The following KALRN variants were observed in gnomAD, a reference collection of about 807,000 sequenced individuals.
KALRN encodes the protein kalirin.
In KALRN, 70 loss-of-function variants were observed where a neutral mutation model predicts 353.7. The ratio of observed to expected loss-of-function variants is 0.20; its 90% CI spans 0.16 to 0.24. The LOEUF is 0.24. Ranked by LOEUF, KALRN falls within the 10% of genes least tolerant of loss-of-function variation. The probability of loss-of-function intolerance (pLI) is 1.00; values close to 1 mark genes in which losing one functional copy is unlikely to be tolerated. For synonymous variants in KALRN, 1,391 were observed against 1,434.8 expected (o/e 0.97, Z 0.69); for missense variants, 2,791 against 3,756.7 (o/e 0.74, Z 6.72).
At position 124,326,002 on chromosome 3, in the gene KALRN, G is replaced by A. The variant is rs762826694; in HGVS notation, c.1115G>A (p.Arg372His). 7 of 1,612,638 alleles carry A rather than the reference G, an allele frequency of 4.3e-6. No homozygotes were observed. The highest frequency in any genetic ancestry group is 4.5e-5 in the East Asian group (2 of 44,864). Residue 372 changes from arginine (R) to histidine (H), a missense_variant, in exon 7 of 60, where the codon CGC becomes CAC. Coordinates refer to ENST00000682506, the MANE Select transcript of KALRN (RefSeq NM_001388419.1). ...CAGAATGCCTATGTCAACATCAACC[G>A]CATCATGTCCGTGGCTTCCCGCCTC... ...NSMNAYVNIN[R>H]IMSVASRLSE... is the part of the protein sequence containing the mutation.
At chr3:124,329,657 AC>A (rs1169120827) in intron 7 of KALRN, among the ~76,000 whole-genome samples, 1 of 152,090 alleles carries the variant, frequency 6.6e-6, no homozygotes. Context: ...TGGAGACTAT[AC>A]TTCCTAAATG....
At chr3:124,510,413 G>A (rs2108812876) in intron 33 of KALRN, among the ~76,000 whole-genome samples, 1 of 152,250 alleles carries the variant, frequency 6.6e-6, no homozygotes, top group East Asian at 1.9e-4. Context: ...GTGAATTAAG[G>A]TTTGGGAAAT....
chr3:124,106,523 CACCTCCA>C (rs2062328164), intron 1 of KALRN, among the ~76,000 whole-genome samples: 1 of 152,132 alleles, frequency 6.6e-6, no homozygotes, highest in Non-Finnish European at 1.5e-5. Context: ...TCATCAAACT[CACCTCCA>C]AGGGCCAGCT....
At chr3:124,698,040 G>C (rs944099621) in intron 55 of KALRN, among the ~76,000 whole-genome samples, 8 of 152,096 alleles carry the variant, frequency 5.3e-5, no homozygotes, top group African/African-American at 1.9e-4. Flanking sequence ...TGCAATGTGG[G>C]CTCACTGCAG....
chr3:124,260,669 G>C (rs1324571224), intron 3 of KALRN, among the ~76,000 whole-genome samples: 1 of 151,996 alleles, frequency 6.6e-6, no homozygotes, highest in Non-Finnish European at 1.5e-5. Context: ...AGCACAGACT[G>C]TATGTGGGTG....
intron 55 of KALRN, among the ~76,000 whole-genome samples, chr3:124,698,878 A>G (rs755857695): frequency 6.6e-6 from 1 of 152,238 alleles, no homozygotes; most frequent in Non-Finnish European, 1.5e-5. Context: ...ACTTCCATCT[A>G]GTTAGCAAGA....
intron 6 of KALRN, among the ~76,000 whole-genome samples, chr3:124,320,263 A>G (rs546294739): frequency 8.7e-4 from 133 of 152,282 alleles, no homozygotes; most frequent in Admixed American, 5.7e-3. Flanking sequence ...CCCTTTAGGG[A>G]AAGTGTCCCC....
At chr3:124,375,941 C>A (rs1204051631) in intron 10 of KALRN, among the ~76,000 whole-genome samples, 1 of 152,092 alleles carries the variant, frequency 6.6e-6, no homozygotes, top group African/African-American at 2.4e-5. Context: ...GGCCCATGTA[C>A]CTTCCTAAAC....
chr3:124,671,452 C>T (rs780373378), intron 47 of KALRN, among the ~76,000 whole-genome samples: 1 of 152,200 alleles, frequency 6.6e-6, no homozygotes, highest in Non-Finnish European at 1.5e-5. Flanking sequence ...TTTGCACAAC[C>T]CTTGGCACCT....
intron 3 of KALRN, among the ~76,000 whole-genome samples, chr3:124,255,207 G>C (rs1422022158): frequency 6.6e-6 from 1 of 152,168 alleles, no homozygotes; most frequent in African/African-American, 2.4e-5. Flanking sequence ...GCCTCACCAA[G>C]TGCTGGGATT....
chr3:124,689,844 A>G (rs3772795), intron 51 of KALRN, among the ~76,000 whole-genome samples: 5,044 of 152,322 alleles, frequency 0.033, 106 homozygotes, highest in East Asian at 0.079. Context: ...AAGGGTTACT[A>G]CCTTCAAAAG....
At chr3:124,036,979 C>T (rs2039485145) in intron 1 of KALRN, among the ~76,000 whole-genome samples, 1 of 152,184 alleles carries the variant, frequency 6.6e-6, no homozygotes, top group South Asian at 2.1e-4. Context: ...TTGGTAGACT[C>T]CAGATTGTCT....
intron 34 of KALRN, among the ~76,000 whole-genome samples, chr3:124,595,611 C>G (rs2076196586): frequency 6.6e-6 from 1 of 152,126 alleles, no homozygotes; most frequent in Non-Finnish European, 1.5e-5. Context: ...TAATTACTTC[C>G]TTAGGATACA....
intron 6 of KALRN, among the ~76,000 whole-genome samples, chr3:124,317,482 G>T (rs1194908211): frequency 6.6e-6 from 1 of 152,182 alleles, no homozygotes; most frequent in African/African-American, 2.4e-5. Flanking sequence ...CAAATGTTCA[G>T]CTATTGTTAA....
intron 15 of KALRN, among the ~76,000 whole-genome samples, chr3:124,429,678 A>G (rs1436478000): frequency 6.6e-6 from 1 of 152,190 alleles, no homozygotes; most frequent in African/African-American, 2.4e-5. Flanking sequence ...AACTGTCTAG[A>G]CAGTGTCAGC....
intron 1 of KALRN, among the ~76,000 whole-genome samples, chr3:124,227,663 GTTTTTTTTTT>G (rs747087120): frequency 8.5e-4 from 59 of 69,214 alleles, no homozygotes; most frequent in African/African-American, 2.8e-3. Flanking sequence ...CAACAGGGCT[GTTTTTTTTTT>G]TTTTTTTTTT....
At position 124,488,278 on chromosome 3, in the gene KALRN, G is replaced by A; in HGVS notation, c.4359G>A (p.Lys1453=). 6.2e-7 allele frequency: 1 copy of A among 1,613,876 alleles called. No individual in the cohort carries two copies. Among genetic ancestry groups the A allele is most frequent in the Non-Finnish European group, 8.5e-7 (1 of 1,179,754 alleles). ...TGGAGGTGATGCTCAGTGTCCCAAA[G>A]AAAGCCAATGATGCCATGCATGTCA... ...DGLEVMLSVP[K]KANDAMHVSM... is the part of the protein sequence containing the mutation. The change falls in exon 29 of 60, where the codon AAG becomes AAA. Residue 1453 remains lysine, a synonymous_variant. Coordinates refer to ENST00000682506, the MANE Select transcript of KALRN (RefSeq NM_001388419.1).
chr3:124,169,858 T>C (rs1307258688), intron 1 of KALRN, among the ~76,000 whole-genome samples: 1 of 152,096 alleles, frequency 6.6e-6, no homozygotes, highest in African/African-American at 2.4e-5. Flanking sequence ...GGAGTAGAAC[T>C]ATGGAAATTA....
At chr3:124,690,274 A>G (rs1354222918) in intron 51 of KALRN, among the ~76,000 whole-genome samples, 3 of 152,232 alleles carry the variant, frequency 2.0e-5, no homozygotes, top group Non-Finnish European at 4.4e-5. Context: ...TGCAGTCCAT[A>G]GGGAGCCACA....
Sources: allele counts gnomAD v4.1 joint callset (sites outside exome capture counted in the v4.1 genomes callset), GRCh38; gene constraint gnomAD v4.1.1; transcripts MANE v1.5; gene names NCBI Gene and HGNC (gene_info 2026-07-23, HGNC 2026-07-21).